The following POMC variants were observed in gnomAD, a reference collection of about 807,000 sequenced individuals.
The protein encoded by POMC is pro-opiomelanocortin.
POMC carries 19 observed loss-of-function variants against 18.5 expected under a neutral mutation model. The observed-to-expected ratio is 1.03, with a 90% confidence interval of 0.72 to 1.51. The LOEUF is 1.51. Ranked by LOEUF, POMC falls within the 40% of genes most tolerant of loss-of-function variation. The pLI is 0.00. For missense variants in POMC, 451 were observed against 379.0 expected, an observed-to-expected ratio of 1.19 and a Z score of -1.58; for synonymous variants, 179 against 161.9, an observed-to-expected ratio of 1.11 and a Z score of -0.80.
rs770323857 is a variant in POMC at position 25,161,739 on chromosome 2, G to A, written c.146C>T (p.Ala49Val). Residue 49 changes from alanine to valine, a missense_variant, in exon 3 of 3, where the codon GCC becomes GTC. Coordinates refer to ENST00000395826, the MANE Select transcript of POMC (RefSeq NM_000939.4). The surrounding 1 kb of genome is among the most constrained non-coding windows in gnomAD (Gnocchi z 5.7). ...CTCGGCCGAGAGGTCGGGCTTGCAG[G>A]CCCGGATGCACTCCTGGGGGAAGAC... Reference protein sequence around the residue: ...TESNLLECIRACKPDLSAETP... With the variant: ...TESNLLECIRVCKPDLSAETP... 5.6e-6 allele frequency: 9 copies of A among 1,594,488 alleles called. No homozygotes were observed. The highest frequency in any genetic ancestry group is 1.7e-4 in the Middle Eastern group (1 of 5,946).
rs772613967 is a variant in POMC, at chr2:25,161,053, A to G, written c.*28T>C. 3 of 1,608,526 alleles carry G rather than the reference A, an allele frequency of 1.9e-6. No individual in the cohort carries two copies. The highest frequency in any genetic ancestry group is 2.6e-6 in the Non-Finnish European group (3 of 1,175,454). On this transcript the variant is annotated 3_prime_UTR_variant, in exon 3 of 3. Transcript: ENST00000395826. The surrounding 1 kb of genome is among the most constrained non-coding windows in gnomAD (Gnocchi z 5.7). ...GGCTTTGGGGTCGACCTCCTGGGGG[A>G]GGGTAGCCCTGGGGCCCCGCTGTGC...
Position 25,161,082 on chromosome 2 carries a change from C to CACTCGCCCTTCTTGTAGGCA in POMC, c.802_803insTGCCTACAAGAAGGGCGAGT (p.Ter268LeufsTer44). The CACTCGCCCTTCTTGTAGGCA allele has an allele frequency of 6.2e-7, 1 of 1,614,064 alleles. No individual in the cohort carries two copies. The highest frequency in any genetic ancestry group is 8.5e-7 in the Non-Finnish European group (1 of 1,180,012). On this transcript the variant is annotated frameshift_variant and stop_lost, in exon 3 of 3. Coordinates refer to ENST00000395826, the MANE Select transcript of POMC (RefSeq NM_000939.4). LOFTEE classifies it high-confidence loss of function. The surrounding 1 kb of genome is among the most constrained non-coding windows in gnomAD (Gnocchi z 5.7). ...TAGCCCTGGGGCCCCGCTGTGCCCT[C>CACTCGCCCTTCTTGTAGGCA]ACTCGCCCTTCTTGTAGGCGTTCTT...
chr2:25,161,651 G>T lies in POMC; in HGVS notation c.234C>A (p.Val78=), dbSNP rs1173071382. The stretch of plus-strand genomic sequence containing the variant: ...ATCGGTCCCAGCGGAAGTGGCCCAT[G>T]ACGTACTTCCGGGGGTTCTCGGTCA... ...QPLTENPRKY[V]MGHFRWDRFG... is the part of the protein sequence containing the mutation. The change falls in exon 3 of 3, where the codon GTC becomes GTA. Residue 78 remains valine (V), a synonymous_variant. Transcript: ENST00000395826. The surrounding 1 kb of genome is among the most constrained non-coding windows in gnomAD (Gnocchi z 5.7). The T allele has an allele frequency of 2.6e-6, 4 of 1,556,640 alleles. No homozygotes were observed. The highest frequency in any genetic ancestry group is 3.5e-6 in the Non-Finnish European group (4 of 1,150,880).
chr2:25,161,720 C>T lies in POMC; in HGVS notation c.165G>A (p.Ser55=), dbSNP rs1218150763. The change falls in exon 3 of 3, where the codon TCG becomes TCA. Residue 55 remains serine, a synonymous_variant. Transcript: ENST00000395826. This position sits in a 1 kb window ranked among gnomAD's most constrained non-coding sequence, Gnocchi z 5.7. ...ECIRACKPDL[S]AETPMFPGNG... is the part of the protein sequence containing the mutation. ...TTCCCGGGAACATGGGAGTCTCGGC[C>T]GAGAGGTCGGGCTTGCAGGCCCGGA... 2 of 1,593,528 alleles carry T rather than the reference C, an allele frequency of 1.3e-6. No homozygotes were observed. Among genetic ancestry groups the T allele is most frequent in the Non-Finnish European group, 1.7e-6 (2 of 1,171,122 alleles).
rs1360542631 is a variant in POMC at position 25,168,299 on chromosome 2, C to G, written c.-21+199G>C. 6.6e-6 allele frequency among the ~76,000 whole-genome samples: 1 copy of G among 152,214 alleles called. No individual in the cohort carries two copies. The highest frequency in any genetic ancestry group is 2.4e-5 in the African/African-American group (1 of 41,456). On this transcript the variant is annotated intron_variant, in intron 1 of 2. Coordinates refer to ENST00000395826, the MANE Select transcript of POMC (RefSeq NM_000939.4). This position sits in a 1 kb window ranked among gnomAD's most constrained non-coding sequence, Gnocchi z 5.2. ...GCTTCGCGGCCGTCCGCCCAGGGGC[C>G]GGACGTGGGCCCTCCAGCTCAGCTA...
In POMC at chr2:25,161,525, G is replaced by A. The variant is rs774783651; in HGVS notation, c.360C>T (p.Gly120=). The A allele has an allele frequency of 2.5e-6, 4 of 1,588,982 alleles. No individual in the cohort carries two copies. In the Admixed American group the frequency reaches 7.0e-5, roughly 28 times the overall value. Reference sequence around the variant, plus strand: ...TGGCACCATCGCTGCGGGGCTCGGGGCCGCCCTCAGGCAGCGGGCCGCAGT... The same window carrying A: ...TGGCACCATCGCTGCGGGGCTCGGGACCGCCCTCAGGCAGCGGGCCGCAGT... ...GEDCGPLPEG[G]PEPRSDGAKP... is the part of the protein sequence containing the mutation. Residue 120 remains glycine, a synonymous_variant, in exon 3 of 3, where the codon GGC becomes GGT. Coordinates refer to ENST00000395826, the MANE Select transcript of POMC (RefSeq NM_000939.4). The surrounding 1 kb of genome is among the most constrained non-coding windows in gnomAD (Gnocchi z 5.7).
In POMC at chr2:25,161,814, G is replaced by A. The variant is rs763368193; in HGVS notation, c.133-62C>T. ...CCCCGCACCCCGGCCCGGCTGCCGC[G>A]CCCGTCACTGCGCCTAGGCCCTGGC... is the stretch of plus-strand genomic sequence containing the variant. On this transcript the variant is annotated intron_variant, in intron 2 of 2. Coordinates refer to ENST00000395826, the MANE Select transcript of POMC (RefSeq NM_000939.4). The surrounding 1 kb of genome is among the most constrained non-coding windows in gnomAD (Gnocchi z 5.7). The A allele has an allele frequency of 4.2e-4, 641 of 1,516,760 alleles. 2 individuals carry two copies. Among genetic ancestry groups the A allele is most frequent in the South Asian group, 2.2e-4 (18 of 80,524 alleles). The allele number at this position is 1,516,760 out of a possible 1,614,324, so 94.0% of individuals were successfully genotyped here.
At chr2:25,165,848 C>T (rs534227454) in intron 1 of POMC, among the ~76,000 whole-genome samples, 72 of 152,284 alleles carry the variant, frequency 4.7e-4, no homozygotes, top group Admixed American at 2.6e-4. Flanking sequence ...GGCCGGAGAT[C>T]AGCTCACCGC....
rs1477692170 is a variant in POMC, at chr2:25,161,686, C to G, written c.199G>C (p.Glu67Gln). ...CGGGGGTTCTCGGTCAGAGGCTGCT[C>G]GTCGCCATTTCCCGGGAACATGGGA... is the stretch of plus-strand genomic sequence containing the variant. The part of the protein sequence containing the change: ...ETPMFPGNGD[E>Q]QPLTENPRKY... The change falls in exon 3 of 3, where the codon GAG becomes CAG. Residue 67 changes from glutamate to glutamine, a missense_variant. By Grantham distance (29) the Glu-to-Gln change is conservative. Transcript: ENST00000395826. The surrounding 1 kb of genome is among the most constrained non-coding windows in gnomAD (Gnocchi z 5.7). 2 of 1,577,198 alleles carry G rather than the reference C, an allele frequency of 1.3e-6. No homozygotes were observed. Among genetic ancestry groups the G allele is most frequent in the Admixed American group, 3.6e-5 (2 of 55,540 alleles).
intron 2 of POMC, among the ~76,000 whole-genome samples, chr2:25,163,182 A>G (rs1671448790): frequency 6.6e-6 from 1 of 152,248 alleles, no homozygotes; most frequent in South Asian, 2.1e-4. Context: ...GTTCAGAATT[A>G]CAACTCTGTG....
rs1056905339 is a variant in POMC, at chr2:25,168,273, A to C, written c.-21+225T>G. ...CCGGCTCCCTGGAGACAGCGCCTGC[A>C]GCTTCGCGGCCGTCCGCCCAGGGGC... On this transcript the variant is annotated intron_variant, in intron 1 of 2. Coordinates refer to ENST00000395826, the MANE Select transcript of POMC (RefSeq NM_000939.4). This position sits in a 1 kb window ranked among gnomAD's most constrained non-coding sequence, Gnocchi z 5.2. 6.6e-6 allele frequency among the ~76,000 whole-genome samples: 1 copy of C among 152,136 alleles called. No homozygotes were observed. The highest frequency in any genetic ancestry group is 1.9e-4 in the East Asian group (1 of 5,192).
chr2:25,164,162 G>A (rs779763930), intron 2 of POMC, among the ~76,000 whole-genome samples: 5 of 151,824 alleles, frequency 3.3e-5, no homozygotes, highest in Admixed American at 6.6e-5. Context: ...AAAAAAAAAG[G>A]GCCCCTGGTT....
At position 25,161,141 on chromosome 2, in the gene POMC, C is replaced by T. The variant is rs764706622; in HGVS notation, c.744G>A (p.Thr248=). The part of the protein sequence containing the change: ...GGFMTSEKSQ[T]PLVTLFKNAI... The stretch of plus-strand genomic sequence containing the variant: ...CGTTTTTGAACAGCGTCACCAGGGG[C>T]GTCTGGCTCTTCTCGGAGGTCATGA... The change falls in exon 3 of 3, where the codon ACG becomes ACA. Residue 248 remains threonine (T), a synonymous_variant. Coordinates refer to ENST00000395826, the MANE Select transcript of POMC (RefSeq NM_000939.4). The surrounding 1 kb of genome is among the most constrained non-coding windows in gnomAD (Gnocchi z 5.7). The T allele has an allele frequency of 1.2e-6, 2 of 1,613,634 alleles. No individual in the cohort carries two copies. The highest frequency in any genetic ancestry group is 1.7e-6 in the Non-Finnish European group (2 of 1,179,936).
At position 25,161,833 on chromosome 2, in the gene POMC, C is replaced by T; in HGVS notation, c.133-81G>A. The T allele has an allele frequency of 1.4e-6, 2 of 1,476,100 alleles. No individual in the cohort carries two copies. The highest frequency in any genetic ancestry group is 1.8e-6 in the Non-Finnish European group (2 of 1,119,048). 91.4% of individuals were successfully genotyped at this position (1,476,100 alleles called of 1,614,324 possible). On this transcript the variant is annotated intron_variant, in intron 2 of 2. Coordinates refer to ENST00000395826, the MANE Select transcript of POMC (RefSeq NM_000939.4). The surrounding 1 kb of genome is among the most constrained non-coding windows in gnomAD (Gnocchi z 5.7). ...TGCCGCGCCCGTCACTGCGCCTAGG[C>T]CCTGGCCGCCCTCGCCACGTGCCGA...
chr2:25,165,275 A>C (rs191109673), intron 1 of POMC, among the ~76,000 whole-genome samples: 18 of 152,352 alleles, frequency 1.2e-4, no homozygotes, highest in African/African-American at 3.8e-4. Context: ...ACTCCTGCTC[A>C]AGATGGTCTT....
intron 2 of POMC, among the ~76,000 whole-genome samples, chr2:25,163,645 G>T (rs1433794750): frequency 6.6e-6 from 1 of 152,126 alleles, no homozygotes; most frequent in Non-Finnish European, 1.5e-5. Context: ...GTTTCATTTT[G>T]TTTTGTTTTG....
chr2:25,167,918 C>A (rs59419816), intron 1 of POMC, among the ~76,000 whole-genome samples: 3,461 of 152,214 alleles, frequency 0.023, 127 homozygotes, highest in African/African-American at 0.079. Flanking sequence ...CTTTGGGGGG[C>A]CAAGGCGGGC....
intron 1 of POMC, among the ~76,000 whole-genome samples, chr2:25,166,062 GGGGAGGCTTT>G (rs1488547436): frequency 2.6e-5 from 4 of 152,156 alleles, no homozygotes; most frequent in African/African-American, 9.7e-5. Context: ...TTTTTATATA[GGGGAGGCTTT>G]GGAAGTGAAA....
chr2:25,161,302 C>T lies in POMC; in HGVS notation c.583G>A (p.Ala195Thr), dbSNP rs141309351. ...LREGDGPDGP[A>T]DDGAGAQADL... ...GCCTGGGCCCCTGCGCCGTCATCGG[C>T]AGGGCCGTCGGGGCCATCTCCCTCC... The change falls in exon 3 of 3, where the codon GCC becomes ACC. Residue 195 changes from alanine (A) to threonine (T), a missense_variant. Ala to Thr is a moderately conservative substitution (Grantham distance 58, BLOSUM62 0). Coordinates refer to ENST00000395826, the MANE Select transcript of POMC (RefSeq NM_000939.4). This position sits in a 1 kb window ranked among gnomAD's most constrained non-coding sequence, Gnocchi z 5.7. The T allele has an allele frequency of 3.9e-4, 633 of 1,609,980 alleles. 5 individuals carry two copies. The African/African-American group carries it at 7.8e-3, about 20-fold the overall frequency.
Sources: allele counts gnomAD v4.1 joint callset (sites outside exome capture counted in the v4.1 genomes callset), GRCh38; gene constraint gnomAD v4.1.1; non-coding constraint Gnocchi (gnomAD v3.1); transcripts MANE v1.5; gene names NCBI Gene and HGNC (gene_info 2026-07-23, HGNC 2026-07-21).